Variants in RAD21 observed in about 807,000 individuals in gnomAD.
RAD21 encodes the protein RAD21 cohesin complex component.
Under a neutral mutation model 71.5 loss-of-function variants are expected in RAD21, and 18 were observed. The observed-to-expected ratio is 0.25, with a 90% CI of 0.17 to 0.37. RAD21 has a LOEUF of 0.37. RAD21 is among the 10% of genes least tolerant of loss of function. The pLI, the probability that RAD21 is intolerant of heterozygous loss-of-function variation, is 1.00. For missense variants in RAD21, 493 were observed against 769.1 expected, an observed-to-expected ratio of 0.64 and a Z score of 4.25; for synonymous variants, 248 against 254.0, an observed-to-expected ratio of 0.98 and a Z score of 0.22.
chr8:116,856,761 A>G lies in RAD21; in HGVS notation c.699T>C (p.Leu233=), dbSNP rs767640168. The change falls in exon 7 of 14, where the codon CTT becomes CTC. Residue 233 remains leucine (L), a synonymous_variant. Coordinates refer to ENST00000297338, the MANE Select transcript of RAD21 (RefSeq NM_006265.3). ...AGATACCGCCATCATTATTACTAAT[A>G]AGTTTGTCATCTGAAATAGGGAATG... ...GNDGGILDDK[L]ISNNDGGIFD... is the part of the protein sequence containing the mutation. 1 of 1,527,066 alleles carries G rather than the reference A, an allele frequency of 6.5e-7. No homozygotes were observed. Among genetic ancestry groups the G allele is most frequent in the Non-Finnish European group, 8.8e-7 (1 of 1,134,202 alleles). 94.6% of individuals were successfully genotyped at this position (1,527,066 alleles called of 1,614,324 possible).
chr8:116,852,300 T>C (rs1812366510), intron 10 of RAD21: 2 of 646,260 alleles, frequency 3.1e-6, no homozygotes, highest in Non-Finnish European at 5.1e-6. Flanking sequence ...AAAGGACAAG[T>C]CCTACCCTCA....
chr8:116,874,009 A>T (rs1334476050), intron 1 of RAD21: 2 of 152,220 alleles, frequency 1.3e-5, no homozygotes, highest in African/African-American at 4.8e-5. Context: ...CGTAAAAATT[A>T]TCTTTTTAAA....
At chr8:116,859,485 C>T (rs1181702699) in intron 4 of RAD21, among the ~76,000 whole-genome samples, 3 of 152,116 alleles carry the variant, frequency 2.0e-5, no homozygotes, top group Non-Finnish European at 4.4e-5. Context: ...AAGTGATTCT[C>T]CCACCTAAGC....
rs1237931585 is a variant in RAD21, at chr8:116,864,662, C to A, written c.145-1403G>T. ...AAATTTAAAATTAATATTGATTGAA[C>A]CTTCACCTAAGAACAAAGGAGGGAA... On this transcript the variant is annotated intron_variant, in intron 2 of 13. Coordinates refer to ENST00000297338, the MANE Select transcript of RAD21 (RefSeq NM_006265.3). Among the ~76,000 whole-genome samples, 6 of 152,088 alleles carry A rather than the reference C, an allele frequency of 3.9e-5. No individual in the cohort carries two copies. The South Asian group carries it at 1.2e-3, about 32-fold the overall frequency.
chr8:116,849,647 G>A (rs1306895935), intron 12 of RAD21, among the ~76,000 whole-genome samples: 2 of 152,140 alleles, frequency 1.3e-5, no homozygotes, highest in African/African-American at 4.8e-5. Context: ...GTGGGTGCAA[G>A]GCAGCAGTTG....
At chr8:116,848,427 A>T (rs1812287763) in intron 13 of RAD21, among the ~76,000 whole-genome samples, 1 of 152,200 alleles carries the variant, frequency 6.6e-6, no homozygotes, top group Non-Finnish European at 1.5e-5. Context: ...TTTAAAGTAA[A>T]AAATTAATAA....
intron 7 of RAD21, 73 bp from the exon 8 acceptor site, chr8:116,856,361 G>A (rs2130467253): frequency 1.5e-6 from 2 of 1,345,886 alleles, no homozygotes; most frequent in Non-Finnish European, 9.6e-7. Context: ...CAAATGGGGA[G>A]GAGAAAAATC....
chr8:116,871,292 T>C (rs765667533), intron 1 of RAD21, among the ~76,000 whole-genome samples: 6 of 152,214 alleles, frequency 3.9e-5, no homozygotes, highest in African/African-American at 1.4e-4. Flanking sequence ...AAATCTGCAT[T>C]TGATACCAGA....
rs1186260183 is a variant in RAD21 at position 116,874,756 on chromosome 8, A to G, written c.-178T>C. The G allele has an allele frequency of 4.4e-6, 2 of 455,830 alleles. No homozygotes were observed. Among genetic ancestry groups the G allele is most frequent in the African/African-American group, 2.0e-5 (1 of 50,006 alleles). The allele number at this position is 455,830 out of a possible 1,614,324, so 28.2% of individuals were successfully genotyped here. A position where few individuals can be genotyped will look rare whatever the true frequency, so the allele number is the denominator to read the frequency against. On this transcript the variant is annotated 5_prime_UTR_variant, in exon 1 of 14. Coordinates refer to ENST00000297338, the MANE Select transcript of RAD21 (RefSeq NM_006265.3). ...CGCCACAGCCGGCGCCTCCTTTCCG[A>G]TTCACTCAAACAAACAAGATGGCTG... is the stretch of plus-strand genomic sequence containing the variant.
intron 3 of RAD21, 112 bp from the exon 4 acceptor site, chr8:116,862,052 T>C: frequency 2.6e-6 from 2 of 755,074 alleles, no homozygotes; most frequent in African/African-American, 1.7e-5. Context: ...GAAAGGTTGA[T>C]AACATATGCA....
rs1812418639 is a variant in RAD21, at chr8:116,854,282, A to G, written c.1124T>C (p.Leu375Ser). The part of the protein sequence containing the change: ...ETGGVEKLFS[L>S]PAQPLWNNRL... ...GTTATTCCACAAAGGCTGAGCAGGTAAAGAAAACAGTTTTTCTACTCCTCC... is the reference window on the plus strand; with the variant it reads ...GTTATTCCACAAAGGCTGAGCAGGTGAAGAAAACAGTTTTTCTACTCCTCC... The change falls in exon 9 of 14, where the codon TTA (leucine) becomes TCA (serine). Residue 375 changes from leucine to serine, a missense_variant. Around this residue, in one of 5 missense-constraint regions of RAD21, gnomAD observed 42 missense variants for 117.2 expected, o/e 0.36. Coordinates refer to ENST00000297338, the MANE Select transcript of RAD21 (RefSeq NM_006265.3). 4 of 1,613,800 alleles carry G rather than the reference A, an allele frequency of 2.5e-6. No individual in the cohort carries two copies. Among genetic ancestry groups the G allele is most frequent in the Non-Finnish European group, 3.4e-6 (4 of 1,179,888 alleles).
chr8:116,866,499 CT>C (rs1812697661), intron 2 of RAD21, 86 bp downstream of exon 2: 1 of 1,316,506 alleles, frequency 7.6e-7, no homozygotes, highest in African/African-American at 1.5e-5. Flanking sequence ...TCCAATGCCC[CT>C]ACCTAAAAAA....
chr8:116,858,645 T>C (rs1312477792), intron 4 of RAD21, among the ~76,000 whole-genome samples, 187 bp from the exon 5 acceptor site: 1 of 152,212 alleles, frequency 6.6e-6, no homozygotes, highest in Non-Finnish European at 1.5e-5. Context: ...GGAAATTAAC[T>C]TGTATTTAAA....
In RAD21 at chr8:116,872,565, C is replaced by CACACAT. The variant is rs373042389; in HGVS notation, c.-33+2045_-33+2046insATGTGT. On this transcript the variant is annotated intron_variant, in intron 1 of 13. Coordinates refer to ENST00000297338, the MANE Select transcript of RAD21 (RefSeq NM_006265.3). ...ACACACACACACACACACACACACA[C>CACACAT]ATATTTTAACTCGGGACATAAATGT... Among the ~76,000 whole-genome samples, 246 of 148,786 alleles carry CACACAT rather than the reference C, an allele frequency of 1.7e-3. 2 individuals carry two copies. The highest frequency in any genetic ancestry group is 7.9e-3 in the South Asian group (36 of 4,564).
At chr8:116,851,897 T>G (rs370987648) in intron 11 of RAD21, 51 bp downstream of exon 11, 25 of 1,544,670 alleles carry the variant, frequency 1.6e-5, no homozygotes, top group Non-Finnish European at 2.0e-5. Flanking sequence ...CACTTGCTAC[T>G]GACTGTATGA....
chr8:116,867,744 T>C (rs996788619), intron 1 of RAD21, among the ~76,000 whole-genome samples: 2 of 152,198 alleles, frequency 1.3e-5, no homozygotes, highest in Non-Finnish European at 2.9e-5. Flanking sequence ...AAAATTTTAA[T>C]TTGAAATAGA....
intron 1 of RAD21, chr8:116,867,068 C>T (rs147627601): frequency 1.6e-4 from 28 of 173,402 alleles, no homozygotes; most frequent in African/African-American, 5.4e-4. Context: ...GTTTACTGGC[C>T]AAGAGCTAGA....
In RAD21 at chr8:116,847,923, G is replaced by T. The variant is rs58084260; in HGVS notation, c.1705-232C>A. ...GCAATCAGTGAATTCTTGCTCGTTA[G>T]TTAACACAAGAGCTGCTTGTTTAAA... is the stretch of plus-strand genomic sequence containing the variant. On this transcript the variant is annotated intron_variant, in intron 13 of 13. Transcript: ENST00000297338. 0.024 allele frequency among the ~76,000 whole-genome samples: 3,580 copies of T among 152,184 alleles called. 140 individuals are homozygous for T. Among genetic ancestry groups the T allele is most frequent in the African/African-American group, 0.08 (3,337 of 41,516 alleles).
intron 2 of RAD21, among the ~76,000 whole-genome samples, chr8:116,864,099 C>A (rs1387610069): frequency 6.6e-6 from 1 of 151,794 alleles, no homozygotes; most frequent in African/African-American, 2.4e-5. Context: ...CGAGGCAGAT[C>A]TTGATCAACA....
Sources: gnomAD v4.1 joint callset for allele counts (sites outside exome capture counted in the v4.1 genomes callset) on GRCh38, gnomAD v4.1.1 for gene constraint, gnomAD v4.1.1 regional missense constraint, MANE v1.5 for transcripts, NCBI Gene and HGNC (gene_info 2026-07-23, HGNC 2026-07-21) for gene names.